The following NWD1 variants were observed in gnomAD, a reference collection of about 807,000 sequenced individuals.
The protein encoded by NWD1 is NACHT and WD repeat domain containing 1.
Under a neutral mutation model 135.1 loss-of-function variants are expected in NWD1, and 129 were observed. That is an observed-to-expected ratio of 0.96 (90% CI 0.83 to 1.11). The LOEUF (loss-of-function observed/expected upper bound fraction) is 1.11. NWD1 is among the 50% of genes least tolerant of loss of function. The pLI is 0.00. For missense variants in NWD1, 1,740 were observed against 1,851.3 expected, an observed-to-expected ratio of 0.94 and a Z score of 1.10; for synonymous variants, 773 against 786.0, an observed-to-expected ratio of 0.98 and a Z score of 0.28.
chr19:16,778,253 G>A (rs77662171), intron 11 of NWD1, among the ~76,000 whole-genome samples: 4,709 of 152,022 alleles, frequency 0.031, 212 homozygotes, highest in African/African-American at 0.1. Flanking sequence ...CTAGGCCCAC[G>A]TTTTCTCCAA....
chr19:16,750,737 G>A (rs906530005), intron 6 of NWD1, among the ~76,000 whole-genome samples: 1 of 152,168 alleles, frequency 6.6e-6, no homozygotes, highest in African/African-American at 2.4e-5. Context: ...CCAGGCTCAA[G>A]TGATCCTCCC....
At chr19:16,738,281 T>C (rs1191447119) in intron 4 of NWD1, 1 of 446,684 alleles carries the variant, frequency 2.2e-6, no homozygotes. Flanking sequence ...TAAAGAAAAG[T>C]ACCATGGCCA....
chr19:16,771,038 G>A (rs1460352524), intron 10 of NWD1, among the ~76,000 whole-genome samples: 3 of 152,156 alleles, frequency 2.0e-5, no homozygotes, highest in Non-Finnish European at 2.9e-5. Flanking sequence ...GGGGGTTCAC[G>A]CTTCTAATCC....
At chr19:16,760,275 A>ATTTTATTTTATTTTATTTTAT (rs751827657) in intron 7 of NWD1, among the ~76,000 whole-genome samples, 2 of 138,920 alleles carry the variant, frequency 1.4e-5, no homozygotes, top group East Asian at 2.2e-4. Context: ...ATTTTATTTT[A>ATTTTATTTTATTTTATTTTAT]TGTATTTTGA....
rs575435644 is a variant in NWD1, at chr19:16,749,384, C to T, written c.742C>T (p.Arg248Cys). The part of the protein sequence containing the change: ...VLKTHRLPWS[R>C]DLVNPKNKTH... ...CAAGACCCACCGCCTGCCGTGGAGC[C>T]GCGACTTGGTGAACCCCAAGAACAA... Residue 248 changes from arginine (R) to cysteine (C), a missense_variant, in exon 6 of 19, where the codon CGC becomes TGC. By Grantham distance (180) the Arg-to-Cys change is radical. Coordinates refer to ENST00000524140, the MANE Select transcript of NWD1 (RefSeq NM_001007525.5). 28 of 1,613,780 alleles carry T rather than the reference C, an allele frequency of 1.7e-5. No individual in the cohort carries two copies. The highest frequency in any genetic ancestry group is 1.3e-4 in the East Asian group (6 of 44,854).
At position 16,759,239 on chromosome 19, in the gene NWD1, A is replaced by G; in HGVS notation, c.1784A>G (p.Glu595Gly). ...CCTCCCTTCAGACACGGTCTCTCGG[A>G]GGCGGAGCTGAAGGATGTTTTGTCC... is the stretch of plus-strand genomic sequence containing the variant. ...YIVSSRHGLS[E>G]AELKDVLSLD... The change falls in exon 7 of 19, where the codon GAG becomes GGG. Residue 595 changes from glutamate (E) to glycine (G), a missense_variant. Physicochemically the swap from Glu to Gly is moderately conservative, Grantham distance 98 (BLOSUM62 -2). Coordinates refer to ENST00000524140, the MANE Select transcript of NWD1 (RefSeq NM_001007525.5). The G allele has an allele frequency of 6.2e-7, 1 of 1,613,772 alleles. No individual in the cohort carries two copies. Among genetic ancestry groups the G allele is most frequent in the Non-Finnish European group, 8.5e-7 (1 of 1,179,784 alleles).
rs189593813 is a variant in NWD1, at chr19:16,804,775, C to T, written c.3737-2811C>T. Among the ~76,000 whole-genome samples the T allele has an allele frequency of 8.6e-5, 13 of 151,462 alleles. No homozygotes were observed. The East Asian group carries it at 2.5e-3, about 29-fold the overall frequency. Reference sequence around the variant, plus strand: ...TCATGGATGGCCAGATTTTCTTTGTCCTCACATGGTAGAAAGGGGCAAAGA... The same window carrying T: ...TCATGGATGGCCAGATTTTCTTTGTTCTCACATGGTAGAAAGGGGCAAAGA... On this transcript the variant is annotated intron_variant, in intron 17 of 18. Coordinates refer to ENST00000524140, the MANE Select transcript of NWD1 (RefSeq NM_001007525.5).
chr19:16,809,559 C>CTTTTTTT (rs55774128), intron 18 of NWD1, among the ~76,000 whole-genome samples: 3 of 123,342 alleles, frequency 2.4e-5, no homozygotes, highest in Non-Finnish European at 3.4e-5. Flanking sequence ...TTTTCTTTTT[C>CTTTTTTT]TTTTTTTTTT....
intron 15 of NWD1, among the ~76,000 whole-genome samples, chr19:16,794,867 G>C (rs1288424172): frequency 6.6e-6 from 1 of 151,940 alleles, no homozygotes; most frequent in Non-Finnish European, 1.5e-5. Flanking sequence ...TTGCAGCCTT[G>C]AATTTCTGGG....
rs200366855 is a variant in NWD1 at position 16,797,786 on chromosome 19, T to A, written c.3359T>A (p.Phe1120Tyr). 1 of 1,614,010 alleles carries A rather than the reference T, an allele frequency of 6.2e-7. No individual in the cohort carries two copies. The highest frequency in any genetic ancestry group is 8.5e-7 in the Non-Finnish European group (1 of 1,179,880). ...FLADSRGFRRFMAMDLEHEDM... is the reference protein window; with the variant it reads ...FLADSRGFRRYMAMDLEHEDM... ...GCGGACTCGAGGGGCTTTCGCCGATTCATGGCCATGGATCTGGAACATGAA... is the reference window on the plus strand; with the variant it reads ...GCGGACTCGAGGGGCTTTCGCCGATACATGGCCATGGATCTGGAACATGAA... Residue 1120 changes from phenylalanine to tyrosine, a missense_variant, in exon 16 of 19, where the codon TTC becomes TAC. Transcript: ENST00000524140.
At position 16,750,393 on chromosome 19, in the gene NWD1, G is replaced by T. The variant is rs767734483; in HGVS notation, c.1751G>T (p.Gly584Val). The change falls in exon 6 of 19, where the codon GGC becomes GTC. Residue 584 changes from glycine (G) to valine (V), a missense_variant. Physicochemically the swap from Gly to Val is moderately radical, Grantham distance 109. Coordinates refer to ENST00000524140, the MANE Select transcript of NWD1 (RefSeq NM_001007525.5). Reference protein sequence around the residue: ...HGQLLVAHVLGYIVSSRHGLS... With the variant: ...HGQLLVAHVLVYIVSSRHGLS... ...CAGCTCCTCGTGGCCCACGTGCTGGGCTACATTGTGTCTTCCCGGTAAGTC... is the reference window on the plus strand; with the variant it reads ...CAGCTCCTCGTGGCCCACGTGCTGGTCTACATTGTGTCTTCCCGGTAAGTC... 6.4e-7 allele frequency: 1 copy of T among 1,574,578 alleles called. No individual in the cohort carries two copies. Among genetic ancestry groups the T allele is most frequent in the South Asian group, 1.1e-5 (1 of 87,496 alleles).
At chr19:16,776,522 C>T (rs549360993) in intron 11 of NWD1, among the ~76,000 whole-genome samples, 3 of 150,816 alleles carry the variant, frequency 2.0e-5, no homozygotes, top group South Asian at 2.1e-4. Context: ...GAGCGGAGAT[C>T]GTTCCACTGC....
At chr19:16,739,941 G>C (rs1001228944) in intron 4 of NWD1, among the ~76,000 whole-genome samples, 2 of 152,074 alleles carry the variant, frequency 1.3e-5, no homozygotes, top group African/African-American at 4.8e-5. Flanking sequence ...CTGGTCTGTG[G>C]TTGGCTTGTG....
chr19:16,811,155 T>C (rs1470817157), intron 18 of NWD1, among the ~76,000 whole-genome samples: 1 of 152,232 alleles, frequency 6.6e-6, no homozygotes, highest in Non-Finnish European at 1.5e-5. Context: ...TTTCAATTCA[T>C]TCCTTTTTTC....
At chr19:16,783,504 T>TA (rs1271696745) in intron 12 of NWD1, among the ~76,000 whole-genome samples, 1 of 151,834 alleles carries the variant, frequency 6.6e-6, no homozygotes, top group East Asian at 1.9e-4. Context: ...CGTGGTGATA[T>TA]ATACCTGTAA....
chr19:16,726,685 C>CA (rs1967343645), intron 2 of NWD1, among the ~76,000 whole-genome samples: 2 of 152,244 alleles, frequency 1.3e-5, no homozygotes, highest in African/African-American at 4.8e-5. Flanking sequence ...GTGATCCACC[C>CA]ACCTCGGCCT....
At chr19:16,756,148 G>A (rs113187519) in intron 6 of NWD1, among the ~76,000 whole-genome samples, 3 of 152,232 alleles carry the variant, frequency 2.0e-5, no homozygotes, top group African/African-American at 7.2e-5. Context: ...AGCTACTTGG[G>A]AGGCTGAGTA....
At chr19:16,755,687 C>CTTAATTATTTAT (rs1968765240) in intron 6 of NWD1, among the ~76,000 whole-genome samples, 1 of 148,014 alleles carries the variant, frequency 6.8e-6, no homozygotes, top group Admixed American at 6.8e-5. Flanking sequence ...CACATCCAGC[C>CTTAATTATTTAT]TTATTTATTT....
intron 6 of NWD1, among the ~76,000 whole-genome samples, chr19:16,754,862 C>CCATCCATCCATCCATT (rs1251470894): frequency 6.6e-6 from 1 of 152,024 alleles, no homozygotes; most frequent in East Asian, 1.9e-4. Context: ...TCTCTATCTT[C>CCATCCATCCATCCATT]CATCCATCCA....
Sources: gnomAD v4.1 joint callset for allele counts (sites outside exome capture counted in the v4.1 genomes callset) on GRCh38, gnomAD v4.1.1 for gene constraint, MANE v1.5 for transcripts, NCBI Gene and HGNC (gene_info 2026-07-23, HGNC 2026-07-21) for gene names.